Variants in ZFYVE28 observed in about 807,000 individuals in gnomAD.
The protein encoded by ZFYVE28 is zinc finger FYVE-type containing 28.
Under a neutral mutation model 82.1 loss-of-function variants are expected in ZFYVE28, and 40 were observed. The observed-to-expected ratio is 0.49, with a 90% CI of 0.38 to 0.63. The LOEUF is 0.63. Ranked by LOEUF, ZFYVE28 falls within the 30% of genes least tolerant of loss-of-function variation. The probability of loss-of-function intolerance (pLI) is 0.00; values close to 1 mark genes in which losing one functional copy is unlikely to be tolerated. For missense variants in ZFYVE28, 1,321 were observed against 1,242.1 expected (o/e 1.06, Z -0.96); for synonymous variants, 612 against 546.1 (o/e 1.12, Z -1.68).
intron 8 of ZFYVE28, among the ~76,000 whole-genome samples, chr4:2,289,408 C>A (rs553133270): frequency 2.0e-5 from 3 of 152,190 alleles, no homozygotes; most frequent in Non-Finnish European, 4.4e-5. Context: ...GGCCCTGGGC[C>A]GCGTAACACA....
intron 7 of ZFYVE28, among the ~76,000 whole-genome samples, chr4:2,306,329 T>G (rs981028023): frequency 3.3e-5 from 5 of 152,242 alleles, no homozygotes; most frequent in Non-Finnish European, 7.3e-5. Context: ...ATGGCTATTG[T>G]GAGGAAGTGC....
At chr4:2,281,591 A>G (rs1280923234) in intron 8 of ZFYVE28, among the ~76,000 whole-genome samples, 1 of 152,168 alleles carries the variant, frequency 6.6e-6, no homozygotes, top group Admixed American at 6.5e-5. Context: ...TTGCAATAAC[A>G]TCAATCCGCT....
At chr4:2,392,639 A>G (rs1271898523) in intron 1 of ZFYVE28, among the ~76,000 whole-genome samples, 1 of 152,222 alleles carries the variant, frequency 6.6e-6, no homozygotes, top group African/African-American at 2.4e-5. Context: ...CTCTTAAATC[A>G]TATTAAATTA....
Position 2,330,555 on chromosome 4 carries a change from C to CAGCATGGAGAATGGGAT in ZFYVE28, c.701+5133_701+5149dup. Reference sequence around the variant, plus strand: ...GGAAGGGACAGCATGGAGGAGGGGACAGCATGGAGAATGGGATAGCATGGA... The same window carrying CAGCATGGAGAATGGGAT: ...GGAAGGGACAGCATGGAGGAGGGGACAGCATGGAGAATGGGATAGCATGGAGAATGGGATAGCATGGA... On this transcript the variant is annotated intron_variant, in intron 6 of 12. Transcript: ENST00000290974. The CAGCATGGAGAATGGGAT allele has an allele frequency of 3.4e-6, 4 of 1,165,726 alleles. No homozygotes were observed. In the South Asian group the frequency reaches 6.0e-5, roughly 17 times the overall value. 72.2% of individuals were successfully genotyped at this position (1,165,726 alleles called of 1,614,324 possible). A position where few individuals can be genotyped will look rare whatever the true frequency, so the allele number is the denominator to read the frequency against.
chr4:2,370,775 T>C (rs1002329602), intron 1 of ZFYVE28, among the ~76,000 whole-genome samples: 9 of 152,130 alleles, frequency 5.9e-5, no homozygotes, highest in African/African-American at 2.2e-4. Flanking sequence ...GGGCGCCAGA[T>C]TGCACACCAC....
In ZFYVE28 at chr4:2,304,600, A is replaced by G. The variant is rs746357953; in HGVS notation, c.1740T>C (p.Arg580=). The change falls in exon 8 of 13, where the codon CGT becomes CGC. Residue 580 remains arginine (R), a synonymous_variant. Transcript: ENST00000290974. ...CGDSREDVVE[R]LREKCSPGGV... The stretch of plus-strand genomic sequence containing the variant: ...CTCCCGGGCTGCACTTCTCCCGCAG[A>G]CGCTCCACCACGTCCTCCCTGCTGT... 5 of 1,612,182 alleles carry G rather than the reference A, an allele frequency of 3.1e-6. No homozygotes were observed. Among genetic ancestry groups the G allele is most frequent in the Non-Finnish European group, 4.2e-6 (5 of 1,179,770 alleles).
chr4:2,296,518 T>C (rs978710381), intron 8 of ZFYVE28, among the ~76,000 whole-genome samples: 3 of 152,160 alleles, frequency 2.0e-5, no homozygotes, highest in African/African-American at 7.2e-5. Flanking sequence ...AGTCCTCCTC[T>C]ATTTTTAAAC....
chr4:2,402,440 G>C (rs1028923846), intron 1 of ZFYVE28, among the ~76,000 whole-genome samples: 1 of 152,258 alleles, frequency 6.6e-6, no homozygotes, highest in South Asian at 2.1e-4. Context: ...CAGAAGTCCT[G>C]ATGGGTCAGC....
intron 8 of ZFYVE28, among the ~76,000 whole-genome samples, chr4:2,275,924 G>A (rs920872423): frequency 6.6e-6 from 1 of 152,272 alleles, no homozygotes; most frequent in Non-Finnish European, 1.5e-5. Flanking sequence ...GACCCACCGT[G>A]ATCTAATCGC....
At chr4:2,329,628 A>C (rs766720052) in intron 6 of ZFYVE28, among the ~76,000 whole-genome samples, 7 of 152,226 alleles carry the variant, frequency 4.6e-5, no homozygotes, top group Non-Finnish European at 8.8e-5. Flanking sequence ...TTTTACCACA[A>C]TAAAGAAGAA....
chr4:2,292,171 C>T (rs755905480), intron 8 of ZFYVE28, among the ~76,000 whole-genome samples: 1 of 152,144 alleles, frequency 6.6e-6, no homozygotes, highest in Admixed American at 6.5e-5. Flanking sequence ...GTCCTGCAGG[C>T]GGCCGGAGAG....
chr4:2,280,353 C>T (rs1711793403), intron 8 of ZFYVE28, among the ~76,000 whole-genome samples: 1 of 151,666 alleles, frequency 6.6e-6, no homozygotes, highest in African/African-American at 2.4e-5. Flanking sequence ...TACAAAAAAT[C>T]CAAAATTAGC....
At chr4:2,376,560 A>G (rs1728163907) in intron 1 of ZFYVE28, among the ~76,000 whole-genome samples, 1 of 152,124 alleles carries the variant, frequency 6.6e-6, no homozygotes. Flanking sequence ...ACCTCTTCAC[A>G]GGGCAGCAGG....
rs749155420 is a variant in ZFYVE28 at position 2,418,269 on chromosome 4, G to C, written c.39+16C>G. The C allele has an allele frequency of 2.0e-6, 3 of 1,536,510 alleles. No homozygotes were observed. The highest frequency in any genetic ancestry group is 1.7e-4 in the Middle Eastern group (1 of 5,978). On this transcript the variant is annotated intron_variant, in intron 1 of 12. Transcript: ENST00000290974. This position sits in a 1 kb window ranked among gnomAD's most constrained non-coding sequence, Gnocchi z 4.6. Reference sequence around the variant, plus strand: ...CCGCGACGCGGGGGGCGTCCGGCCCGAGCGGGGCCGCTCACCTTGGGTTTG... The same window carrying C: ...CCGCGACGCGGGGGGCGTCCGGCCCCAGCGGGGCCGCTCACCTTGGGTTTG...
chr4:2,387,280 G>A (rs776509642), intron 1 of ZFYVE28, among the ~76,000 whole-genome samples: 15 of 152,204 alleles, frequency 9.9e-5, no homozygotes, highest in Non-Finnish European at 1.8e-4. Flanking sequence ...CCTCAGCCAG[G>A]GCCACCTCTG....
intron 8 of ZFYVE28, among the ~76,000 whole-genome samples, chr4:2,292,617 G>A (rs1015716049): frequency 5.3e-5 from 8 of 152,202 alleles, no homozygotes; most frequent in Admixed American, 5.2e-4. Flanking sequence ...CACGGAATAA[G>A]ATGATAATTC....
rs371381059 is a variant in ZFYVE28 at position 2,339,957 on chromosome 4, G to A, written c.319-302C>T. 1.7e-3 allele frequency among the ~76,000 whole-genome samples: 258 copies of A among 151,248 alleles called. 1 individual carries two copies. Among genetic ancestry groups the A allele is most frequent in the African/African-American group, 6.1e-3 (250 of 41,274 alleles). On this transcript the variant is annotated intron_variant, in intron 3 of 12. Coordinates refer to ENST00000290974, the MANE Select transcript of ZFYVE28 (RefSeq NM_020972.3). This position sits in a 1 kb window ranked among gnomAD's most constrained non-coding sequence, Gnocchi z 5.0. ...GAGGGCAGGGGAGGGGAGGGGAGGGGAAGGTGGACTGAGGCCCTTGGGTCT... is the reference window on the plus strand; with the variant it reads ...GAGGGCAGGGGAGGGGAGGGGAGGGAAAGGTGGACTGAGGCCCTTGGGTCT...
At position 2,382,730 on chromosome 4, in the gene ZFYVE28, G is replaced by A. The variant is rs531894468; in HGVS notation, c.40-28657C>T. ...GACTTTTGGGTTAATGCTGAAATGA[G>A]TTAAGATTTTGGGGGACTGTATTAG... is the stretch of plus-strand genomic sequence containing the variant. On this transcript the variant is annotated intron_variant, in intron 1 of 12. Coordinates refer to ENST00000290974, the MANE Select transcript of ZFYVE28 (RefSeq NM_020972.3). Among the ~76,000 whole-genome samples, 5 of 152,280 alleles carry A rather than the reference G, an allele frequency of 3.3e-5. No individual in the cohort carries two copies. The South Asian group carries it at 1.0e-3, about 32-fold the overall frequency.
intron 7 of ZFYVE28, among the ~76,000 whole-genome samples, chr4:2,319,512 C>T (rs1220127568): frequency 6.6e-6 from 1 of 152,180 alleles, no homozygotes; most frequent in African/African-American, 2.4e-5. Flanking sequence ...AACCTGGTTG[C>T]AGTGATCAGG....
Sources: gnomAD v4.1 joint callset for allele counts (sites outside exome capture counted in the v4.1 genomes callset) on GRCh38, gnomAD v4.1.1 for gene constraint, Gnocchi (gnomAD v3.1) non-coding constraint, MANE v1.5 for transcripts, NCBI Gene and HGNC (gene_info 2026-07-23, HGNC 2026-07-21) for gene names.